The following SGCZ variants were observed in gnomAD, a reference collection of about 807,000 sequenced individuals.
The protein encoded by SGCZ is zeta-sarcoglycan.
SGCZ carries 40 observed loss-of-function variants against 41.3 expected under a neutral mutation model. The ratio of observed to expected loss-of-function variants is 0.97; its 90% CI spans 0.75 to 1.26. The LOEUF (loss-of-function observed/expected upper bound fraction) is 1.26. Ranked by LOEUF, SGCZ falls within the 50% of genes most tolerant of loss-of-function variation. The probability of loss-of-function intolerance (pLI) is 0.00; values close to 1 mark genes in which losing one functional copy is unlikely to be tolerated. For synonymous variants in SGCZ, 206 were observed against 137.5 expected (o/e 1.50, Z -3.49); for missense variants, 552 against 369.8 (o/e 1.49, Z -4.04).
intron 1 of SGCZ, among the ~76,000 whole-genome samples, chr8:15,186,877 C>G (rs1259400076): frequency 1.3e-5 from 2 of 152,068 alleles, no homozygotes; most frequent in African/African-American, 4.8e-5. Flanking sequence ...TTAAGCAGAT[C>G]TTATTGGCTT....
At chr8:14,417,841 T>A (rs1563316234) in intron 2 of SGCZ, among the ~76,000 whole-genome samples, 1 of 152,030 alleles carries the variant, frequency 6.6e-6, no homozygotes, top group East Asian at 1.9e-4. Flanking sequence ...AACTTAAATA[T>A]ATATAATTTT....
chr8:14,479,361 C>T (rs557004728), intron 2 of SGCZ, among the ~76,000 whole-genome samples: 1 of 152,318 alleles, frequency 6.6e-6, no homozygotes, highest in East Asian at 1.9e-4. Context: ...CGTATTTCCT[C>T]TTTGCTCCGC....
chr8:14,207,148 G>T (rs1805641346), intron 4 of SGCZ, among the ~76,000 whole-genome samples: 1 of 152,072 alleles, frequency 6.6e-6, no homozygotes, highest in Admixed American at 6.6e-5. Flanking sequence ...GGTGATGGTG[G>T]CTATTCTTTT....
intron 1 of SGCZ, among the ~76,000 whole-genome samples, chr8:14,769,508 G>A (rs1302640317): frequency 1.3e-5 from 2 of 152,032 alleles, no homozygotes; most frequent in Non-Finnish European, 2.9e-5. Context: ...CACTTCAATG[G>A]CAGCCAGGCG....
At chr8:15,070,583 G>A (rs1342954847) in intron 1 of SGCZ, among the ~76,000 whole-genome samples, 2 of 152,124 alleles carry the variant, frequency 1.3e-5, no homozygotes, top group African/African-American at 4.8e-5. Flanking sequence ...GGGCCCATGG[G>A]CCTTCCAGAA....
At chr8:14,352,326 T>C (rs1158029114) in intron 2 of SGCZ, among the ~76,000 whole-genome samples, 4 of 151,940 alleles carry the variant, frequency 2.6e-5, no homozygotes, top group Admixed American at 6.6e-5. Context: ...AGTGTAAGGA[T>C]GATAGCTTAT....
chr8:14,886,008 T>C (rs1167233374), intron 1 of SGCZ, among the ~76,000 whole-genome samples: 2 of 117,474 alleles, frequency 1.7e-5, no homozygotes, highest in African/African-American at 3.2e-5. Context: ...TATATATATA[T>C]ATATATATAT....
At chr8:14,813,245 C>T (rs1482529859) in intron 1 of SGCZ, among the ~76,000 whole-genome samples, 4 of 152,098 alleles carry the variant, frequency 2.6e-5, no homozygotes, top group African/African-American at 7.2e-5. Context: ...GTTTCTCCCT[C>T]AATATACAGG....
intron 1 of SGCZ, among the ~76,000 whole-genome samples, chr8:14,665,243 A>T (rs1585165495): frequency 6.6e-6 from 1 of 152,032 alleles, no homozygotes; most frequent in East Asian, 1.9e-4. Context: ...ATTCCCACCT[A>T]TGAGTGAGAA....
Position 14,406,595 on chromosome 8 carries a change from G to A in SGCZ, c.235-82391C>T, listed in dbSNP as rs1050113218. Among the ~76,000 whole-genome samples, 28 of 151,962 alleles carry A rather than the reference G, an allele frequency of 1.8e-4. 1 individual carries two copies. Among genetic ancestry groups the A allele is most frequent in the Non-Finnish European group, 8.8e-5 (6 of 67,990 alleles). ...GAACTCTACTGCCCAGGTGGGGCTC[G>A]GGCACTAGATCAAATTGAGGACTAG... On this transcript the variant is annotated intron_variant, in intron 2 of 7. Transcript: ENST00000382080.
chr8:14,231,991 T>C (rs886409584), intron 4 of SGCZ, among the ~76,000 whole-genome samples: 6 of 152,012 alleles, frequency 3.9e-5, no homozygotes, highest in Non-Finnish European at 8.8e-5. Context: ...TAAACTTACA[T>C]AGTTTTAAAA....
At chr8:14,211,212 GC>G (rs1805795096) in intron 4 of SGCZ, among the ~76,000 whole-genome samples, 1 of 152,106 alleles carries the variant, frequency 6.6e-6, no homozygotes, top group Non-Finnish European at 1.5e-5. Context: ...AAGGTGTTTT[GC>G]TTGCAGGACT....
chr8:14,779,306 G>A (rs73531201), intron 1 of SGCZ, among the ~76,000 whole-genome samples: 10,136 of 152,244 alleles, frequency 0.067, 725 homozygotes, highest in African/African-American at 0.18. Context: ...CAGTTGCCAT[G>A]TTATGAGAAC....
At chr8:14,215,142 A>G (rs1805951549) in intron 4 of SGCZ, among the ~76,000 whole-genome samples, 1 of 152,192 alleles carries the variant, frequency 6.6e-6, no homozygotes, top group South Asian at 2.1e-4. Flanking sequence ...ACAAGTTTAA[A>G]TAGTTTAAAG....
chr8:14,516,999 G>A (rs998478717), intron 2 of SGCZ, among the ~76,000 whole-genome samples: 1 of 152,024 alleles, frequency 6.6e-6, no homozygotes, highest in Non-Finnish European at 1.5e-5. Context: ...GTGGAGCCAG[G>A]AACCAGGAAG....
At chr8:14,258,296 T>C (rs1352341722) in intron 3 of SGCZ, among the ~76,000 whole-genome samples, 2 of 152,166 alleles carry the variant, frequency 1.3e-5, no homozygotes, top group Non-Finnish European at 1.5e-5. Context: ...CCATTAATCA[T>C]TAAGGTGGCA....
chr8:15,204,035 G>C (rs1308373473), intron 1 of SGCZ, among the ~76,000 whole-genome samples: 1 of 152,084 alleles, frequency 6.6e-6, no homozygotes, highest in Non-Finnish European at 1.5e-5. Context: ...TATGAAATAA[G>C]AAAAATTTTG....
chr8:15,227,255 G>T (rs947494176), intron 1 of SGCZ, among the ~76,000 whole-genome samples: 1 of 152,174 alleles, frequency 6.6e-6, no homozygotes, highest in African/African-American at 2.4e-5. Flanking sequence ...CAAATTTTAT[G>T]TATAAACAGA....
chr8:14,561,526 G>C (rs765320226), intron 1 of SGCZ, among the ~76,000 whole-genome samples: 1 of 152,006 alleles, frequency 6.6e-6, no homozygotes, highest in Non-Finnish European at 1.5e-5. Context: ...GGTTTTCTTG[G>C]CTACTTACAG....
Sources: allele counts gnomAD v4.1 joint callset (sites outside exome capture counted in the v4.1 genomes callset), GRCh38; gene constraint gnomAD v4.1.1; transcripts MANE v1.5; gene names NCBI Gene and HGNC (gene_info 2026-07-23, HGNC 2026-07-21).